Variants in ATP2B4 observed in about 807,000 individuals in gnomAD.
The protein encoded by ATP2B4 is ATPase plasma membrane Ca2+ transporting 4.
Under a neutral mutation model 110.3 loss-of-function variants are expected in ATP2B4, and 39 were observed. The ratio of observed to expected loss-of-function variants is 0.35; its 90% confidence interval spans 0.27 to 0.46. The LOEUF (loss-of-function observed/expected upper bound fraction) is 0.46. Among genes scored for constraint, ATP2B4 ranks in the 20% least tolerant of loss-of-function variants. ATP2B4 has a pLI of 1.00. For synonymous variants in ATP2B4, 538 were observed against 571.7 expected, an observed-to-expected ratio of 0.94 and a Z score of 0.84; for missense variants, 1,135 against 1,530.9, an observed-to-expected ratio of 0.74 and a Z score of 4.32.
rs1666764554 is a variant in ATP2B4 at position 203,732,682 on chromosome 1, TG to T, written c.3309+5112del. On this transcript the variant is annotated intron_variant, in intron 20 of 20. Transcript: ENST00000357681. ...CCTTCAAATTCAGTAATACATAATT[TG>T]CCTTCAGAATCTTCAATTGTTTGCC... 2.6e-5 allele frequency among the ~76,000 whole-genome samples: 4 copies of T among 152,100 alleles called. No homozygotes were observed. The South Asian group carries it at 8.3e-4, about 32-fold the overall frequency.
chr1:203,711,813 T>G lies in ATP2B4; in HGVS notation c.2032-147T>G, dbSNP rs1666016133. 5 of 858,732 alleles carry G rather than the reference T, an allele frequency of 5.8e-6. 1 individual carries two copies. In the South Asian group the frequency reaches 8.5e-5, roughly 15 times the overall value. 53.2% of individuals were successfully genotyped at this position (858,732 alleles called of 1,614,324 possible). ...AGAAGTGAGGTGGCACCCAACAGTA[T>G]CAAAATGACCAGACCTAGCCCATGC... On this transcript the variant is annotated intron_variant, in intron 12 of 20. Coordinates refer to ENST00000357681, the MANE Select transcript of ATP2B4 (RefSeq NM_001684.5).
At chr1:203,722,404 A>G in intron 17 of ATP2B4, 74 bp from the exon 18 acceptor site, 3 of 1,174,012 alleles carry the variant, frequency 2.6e-6, no homozygotes, top group Admixed American at 1.7e-5. Context: ...AGCAAGCAGT[A>G]TATCTGTACC....
At chr1:203,695,602 C>T (rs1665509162) in intron 2 of ATP2B4, among the ~76,000 whole-genome samples, 1 of 152,044 alleles carries the variant, frequency 6.6e-6, no homozygotes. Flanking sequence ...CTAACCAGCC[C>T]CTGTGTCTCT....
At chr1:203,672,853 G>A (rs937447001) in intron 1 of ATP2B4, among the ~76,000 whole-genome samples, 1 of 152,170 alleles carries the variant, frequency 6.6e-6, no homozygotes, top group African/African-American at 2.4e-5. Context: ...ACCTCACGAG[G>A]TGGCTTGTTT....
chr1:203,669,018 T>C (rs1664585682), intron 1 of ATP2B4, among the ~76,000 whole-genome samples: 2 of 152,220 alleles, frequency 1.3e-5, no homozygotes, highest in African/African-American at 2.4e-5. Context: ...ATGATCTTGG[T>C]AGCTTAGGGC....
In ATP2B4 at chr1:203,742,949, C is replaced by T. The variant is rs1245873040; in HGVS notation, c.*3095C>T. 1 of 152,630 alleles carries T rather than the reference C, an allele frequency of 6.6e-6. No homozygotes were observed. Among genetic ancestry groups the T allele is most frequent in the Non-Finnish European group, 1.5e-5 (1 of 68,042 alleles). The allele number at this position is 152,630 out of a possible 1,614,324, so 9.5% of individuals were successfully genotyped here. On this transcript the variant is annotated 3_prime_UTR_variant, in exon 21 of 21. Coordinates refer to ENST00000357681, the MANE Select transcript of ATP2B4 (RefSeq NM_001684.5). Reference sequence around the variant, plus strand: ...GGGACAGAATTCTAAATGGATAAAACAATGGCTGGTTCTAGCCCTGAGTGA... The same window carrying T: ...GGGACAGAATTCTAAATGGATAAAATAATGGCTGGTTCTAGCCCTGAGTGA...
At chr1:203,638,494 G>T (rs1041698809) in intron 1 of ATP2B4, among the ~76,000 whole-genome samples, 1 of 152,186 alleles carries the variant, frequency 6.6e-6, no homozygotes, top group African/African-American at 2.4e-5. Context: ...CTTGTACAGG[G>T]GAGGACGGTC....
In ATP2B4 at chr1:203,727,586, G is replaced by A; in HGVS notation, c.3309+15G>A. On this transcript the variant is annotated intron_variant, in intron 20 of 20. Transcript: ENST00000357681. ...TCCAGACTCAGGTACTCTGATAGTG[G>A]TCTGTCCTTCCCTTGGGAGAAGCAG... 1.2e-6 allele frequency: 2 copies of A among 1,613,010 alleles called. No homozygotes were observed. Among genetic ancestry groups the A allele is most frequent in the Non-Finnish European group, 8.5e-7 (1 of 1,179,756 alleles).
intron 1 of ATP2B4, among the ~76,000 whole-genome samples, chr1:203,671,185 G>C (rs1006080178): frequency 6.6e-6 from 1 of 152,160 alleles, no homozygotes; most frequent in Admixed American, 6.5e-5. Context: ...CTCACATGTT[G>C]TTTAGTGATT....
chr1:203,638,003 T>C (rs1308101236), intron 1 of ATP2B4, among the ~76,000 whole-genome samples: 1 of 152,062 alleles, frequency 6.6e-6, no homozygotes, highest in Non-Finnish European at 1.5e-5. Flanking sequence ...GGCTGGGGGC[T>C]GAAGGGGTCT....
intron 12 of ATP2B4, 132 bp downstream of exon 12, chr1:203,711,240 C>G (rs1666000787): frequency 2.5e-6 from 2 of 797,806 alleles, no homozygotes; most frequent in East Asian, 2.7e-5. Context: ...TCCTGCTTCA[C>G]AGGACTGCTG....
At chr1:203,736,871 G>A (rs1409787914) in intron 20 of ATP2B4, among the ~76,000 whole-genome samples, 1 of 152,138 alleles carries the variant, frequency 6.6e-6, no homozygotes, top group African/African-American at 2.4e-5. Context: ...GGCCAGTGCT[G>A]GAGTTGGGGC....
Position 203,712,150 on chromosome 1 carries a change from G to A in ATP2B4, c.2211+11G>A. The stretch of plus-strand genomic sequence containing the variant: ...AACGAGAAAGGCGAGGTGGGTCCTG[G>A]CTAGGGGGAACCAGGACCTCACCTG... On this transcript the variant is annotated intron_variant, in intron 13 of 20. Transcript: ENST00000357681. The A allele has an allele frequency of 1.9e-6, 3 of 1,612,754 alleles. No homozygotes were observed. The highest frequency in any genetic ancestry group is 2.5e-6 in the Non-Finnish European group (3 of 1,179,312).
At chr1:203,637,831 T>C (rs553403527) in intron 1 of ATP2B4, among the ~76,000 whole-genome samples, 5 of 152,262 alleles carry the variant, frequency 3.3e-5, no homozygotes, top group Admixed American at 3.3e-4. Context: ...GCTTCCTATC[T>C]TGGGAGCTGA....
Position 203,722,696 on chromosome 1 carries a change from T to A in ATP2B4, c.3024+7T>A. 1 of 1,613,624 alleles carries A rather than the reference T, an allele frequency of 6.2e-7. No individual in the cohort carries two copies. The highest frequency in any genetic ancestry group is 8.5e-7 in the Non-Finnish European group (1 of 1,179,536). ...GGGCACATTCATCTGCCAGGTGAGA[T>A]TCTATCTGCAGTTGGGGCAGGAGAT... On this transcript the variant is annotated splice_region_variant and intron_variant, in intron 18 of 20. Coordinates refer to ENST00000357681, the MANE Select transcript of ATP2B4 (RefSeq NM_001684.5).
intron 1 of ATP2B4, among the ~76,000 whole-genome samples, chr1:203,678,766 GAGA>G (rs1382952615): frequency 2.0e-5 from 3 of 152,120 alleles, no homozygotes; most frequent in Admixed American, 2.0e-4. Flanking sequence ...TTAGGCTCAA[GAGA>G]AGGAGCAAAG....
chr1:203,721,100 C>T, intron 16 of ATP2B4, 97 bp from the exon 17 acceptor site: 2 of 1,300,886 alleles, frequency 1.5e-6, no homozygotes, highest in South Asian at 2.8e-5. Context: ...TGGCCAGATT[C>T]CAAGTCTAGG....
In ATP2B4 at chr1:203,714,153, T is replaced by C; in HGVS notation, c.2300-18T>C. Reference sequence around the variant, plus strand: ...GGGAGACCAGAAAAGCTCACTGTGGTGTGTCTGTTTCTCCCAGGCATAATT... The same window carrying C: ...GGGAGACCAGAAAAGCTCACTGTGGCGTGTCTGTTTCTCCCAGGCATAATT... On this transcript the variant is annotated intron_variant, in intron 14 of 20. Transcript: ENST00000357681. The C allele has an allele frequency of 6.2e-7, 1 of 1,611,932 alleles. No individual in the cohort carries two copies. The highest frequency in any genetic ancestry group is 8.5e-7 in the Non-Finnish European group (1 of 1,178,426).
chr1:203,729,449 G>A, intron 20 of ATP2B4: 1 of 360,686 alleles, frequency 2.8e-6, no homozygotes, highest in South Asian at 2.1e-5. Flanking sequence ...GGAGGCTGAG[G>A]CAGGAGAATC....
Sources: allele counts gnomAD v4.1 joint callset (sites outside exome capture counted in the v4.1 genomes callset), GRCh38; gene constraint gnomAD v4.1.1; transcripts MANE v1.5; gene names NCBI Gene and HGNC (gene_info 2026-07-23, HGNC 2026-07-21).